The following PPP2R3C variants were observed in gnomAD, a reference collection of about 807,000 sequenced individuals.
PPP2R3C encodes the protein protein phosphatase 2 regulatory subunit B''gamma.
In PPP2R3C, 47 loss-of-function variants were observed where a neutral mutation model predicts 63.7. The observed-to-expected ratio is 0.74, with a 90% CI of 0.58 to 0.94. The LOEUF is 0.94. PPP2R3C is among the 40% of genes least tolerant of loss of function. The pLI, the probability that PPP2R3C is intolerant of heterozygous loss-of-function variation, is 0.00. For synonymous variants in PPP2R3C, 180 were observed against 177.4 expected (o/e 1.01, Z -0.12); for missense variants, 421 against 518.4 (o/e 0.81, Z 1.82).
chr14:35,095,258 T>G (rs369969591), intron 9 of PPP2R3C, 74 bp from the exon 10 acceptor site: 51 of 1,461,282 alleles, frequency 3.5e-5, no homozygotes, highest in East Asian at 1.6e-4. Flanking sequence ...TAACAAAAAG[T>G]TTTTTCTTGG....
At chr14:35,111,477 T>C (rs998364808) in intron 2 of PPP2R3C, among the ~76,000 whole-genome samples, 1 of 152,198 alleles carries the variant, frequency 6.6e-6, no homozygotes, top group Non-Finnish European at 1.5e-5. Flanking sequence ...TAAATGATAA[T>C]AGCTCATCCC....
chr14:35,107,081 T>C (rs1201165001), intron 6 of PPP2R3C, among the ~76,000 whole-genome samples: 1 of 152,204 alleles, frequency 6.6e-6, no homozygotes, highest in African/African-American at 2.4e-5. Context: ...TATTTTAAAT[T>C]TGTTTTTTGT....
chr14:35,111,220 C>A (rs1467153776), intron 2 of PPP2R3C, among the ~76,000 whole-genome samples: 1 of 119,914 alleles, frequency 8.3e-6, no homozygotes, highest in African/African-American at 3.3e-5. Context: ...GGCAACAGAG[C>A]GAGACTCCAT....
rs756221086 is a variant in PPP2R3C at position 35,091,050 on chromosome 14, C to T, written c.1113+20G>A. 13 of 1,587,454 alleles carry T rather than the reference C, an allele frequency of 8.2e-6. No individual in the cohort carries two copies. The Admixed American group carries it at 1.2e-4, about 15-fold the overall frequency. ...ATATATCTTAAGGAACAATGACTCACTTATGCAAATGAGACTTACCCTAAA... is the reference window on the plus strand; with the variant it reads ...ATATATCTTAAGGAACAATGACTCATTTATGCAAATGAGACTTACCCTAAA... On this transcript the variant is annotated intron_variant, in intron 11 of 12. Coordinates refer to ENST00000261475, the MANE Select transcript of PPP2R3C (RefSeq NM_017917.4).
chr14:35,110,653 A>T (rs1388308789), intron 2 of PPP2R3C, 24 bp from the exon 3 acceptor site: 1 of 1,538,316 alleles, frequency 6.5e-7, no homozygotes, highest in South Asian at 1.1e-5. Flanking sequence ...GTAAATTTCT[A>T]CATGTAAATT....
At chr14:35,117,763 C>T (rs976699031) in intron 1 of PPP2R3C, among the ~76,000 whole-genome samples, 4 of 151,836 alleles carry the variant, frequency 2.6e-5, no homozygotes, top group South Asian at 2.1e-4. Context: ...GGTACGATCT[C>T]GGGTCACGGC....
At chr14:35,105,248 T>A (rs1451477020) in intron 6 of PPP2R3C, among the ~76,000 whole-genome samples, 1 of 151,914 alleles carries the variant, frequency 6.6e-6, no homozygotes, top group East Asian at 1.9e-4. Flanking sequence ...AATGGCACAA[T>A]CTAGGCTCAC....
intron 1 of PPP2R3C, 137 bp downstream of exon 1, chr14:35,121,764 TC>T: frequency 1.0e-6 from 1 of 956,918 alleles, no homozygotes; most frequent in Non-Finnish European, 1.6e-6. Context: ...TAAACCACAT[TC>T]CACTCCGCCT....
In PPP2R3C at chr14:35,104,980, C is replaced by T. The variant is rs55893579; in HGVS notation, c.573+2324G>A. On this transcript the variant is annotated intron_variant, in intron 6 of 12. Coordinates refer to ENST00000261475, the MANE Select transcript of PPP2R3C (RefSeq NM_017917.4). ...AAGTCCTGACATCAAGTGATCCACT[C>T]GCCTTCACCTCCCAAAGTGCTGGGA... is the stretch of plus-strand genomic sequence containing the variant. 9.0e-4 allele frequency among the ~76,000 whole-genome samples: 137 copies of T among 151,746 alleles called. 1 individual carries two copies. Among genetic ancestry groups the T allele is most frequent in the African/African-American group, 3.2e-3 (133 of 41,370 alleles).
chr14:35,088,212 C>A (rs149205753), intron 11 of PPP2R3C, among the ~76,000 whole-genome samples: 1 of 152,046 alleles, frequency 6.6e-6, no homozygotes, highest in Non-Finnish European at 1.5e-5. Context: ...GTGTATTGAC[C>A]TTTTTAGACC....
chr14:35,093,853 G>A lies in PPP2R3C; in HGVS notation c.975+1195C>T, dbSNP rs140572274. Among the ~76,000 whole-genome samples, 1,002 of 152,152 alleles carry A rather than the reference G, an allele frequency of 6.6e-3. 11 individuals are homozygous for A. The highest frequency in any genetic ancestry group is 0.023 in the African/African-American group (959 of 41,502). ...TTTTTAGTAGAGACGGGGTTTCACCGTGTTAGCCAGGATGGTCTCCATCTC... is the reference window on the plus strand; with the variant it reads ...TTTTTAGTAGAGACGGGGTTTCACCATGTTAGCCAGGATGGTCTCCATCTC... On this transcript the variant is annotated intron_variant, in intron 10 of 12. Coordinates refer to ENST00000261475, the MANE Select transcript of PPP2R3C (RefSeq NM_017917.4).
intron 1 of PPP2R3C, 100 bp downstream of exon 1, chr14:35,121,802 G>T: frequency 7.5e-7 from 1 of 1,340,836 alleles, no homozygotes. Flanking sequence ...TCACAGAAGC[G>T]GAAAAGGCGG....
At chr14:35,115,862 C>T (rs1023044494) in intron 2 of PPP2R3C, among the ~76,000 whole-genome samples, 3 of 152,066 alleles carry the variant, frequency 2.0e-5, no homozygotes, top group African/African-American at 7.2e-5. Context: ...CCTCATGATC[C>T]ACCACCCACC....
chr14:35,114,853 C>T lies in PPP2R3C; in HGVS notation c.186+1757G>A, dbSNP rs377515147. ...ACTAAAAATACAAAAACTAGCTGGGCGTGGTGGCGCACACCTATAATCCCA... is the reference window on the plus strand; with the variant it reads ...ACTAAAAATACAAAAACTAGCTGGGTGTGGTGGCGCACACCTATAATCCCA... On this transcript the variant is annotated intron_variant, in intron 2 of 12. Coordinates refer to ENST00000261475, the MANE Select transcript of PPP2R3C (RefSeq NM_017917.4). Among the ~76,000 whole-genome samples, 13 of 152,172 alleles carry T rather than the reference C, an allele frequency of 8.5e-5. No individual in the cohort carries two copies. In the East Asian group the frequency reaches 1.2e-3, roughly 14 times the overall value.
intron 10 of PPP2R3C, among the ~76,000 whole-genome samples, chr14:35,092,225 C>T (rs1385509585): frequency 2.0e-5 from 3 of 152,010 alleles, no homozygotes; most frequent in African/African-American, 4.8e-5. Context: ...CACGCCATCA[C>T]ACTTGGCTAA....
intron 2 of PPP2R3C, among the ~76,000 whole-genome samples, chr14:35,114,571 G>C (rs2138710287): frequency 1.3e-5 from 2 of 152,142 alleles, no homozygotes; most frequent in East Asian, 3.9e-4. Context: ...TAAGATTCCA[G>C]TTAACTTGTA....
At chr14:35,114,298 T>C (rs1023524895) in intron 2 of PPP2R3C, among the ~76,000 whole-genome samples, 1 of 152,210 alleles carries the variant, frequency 6.6e-6, no homozygotes, top group Admixed American at 6.6e-5. Context: ...TATTTTTTCC[T>C]TTTCTACAAT....
At chr14:35,085,948 A>G (rs2045579810) in intron 12 of PPP2R3C, 170 bp from the exon 13 acceptor site, 1 of 576,056 alleles carries the variant, frequency 1.7e-6, no homozygotes, top group Non-Finnish European at 2.9e-6. Flanking sequence ...TTTTCCATTT[A>G]ACAGGCAGTT....
chr14:35,096,908 A>G, intron 7 of PPP2R3C, 144 bp from the exon 8 acceptor site: 1 of 831,916 alleles, frequency 1.2e-6, no homozygotes, highest in South Asian at 2.0e-5. Flanking sequence ...TCCTTATTAC[A>G]TATTGCTACA....
Sources: allele counts gnomAD v4.1 joint callset (sites outside exome capture counted in the v4.1 genomes callset), GRCh38; gene constraint gnomAD v4.1.1; transcripts MANE v1.5; gene names NCBI Gene and HGNC (gene_info 2026-07-23, HGNC 2026-07-21).